Variants in ADGRG2 observed in about 807,000 individuals in gnomAD.
ADGRG2 encodes adhesion G protein-coupled receptor G2, also known as G protein-coupled receptor 64.
In ADGRG2, 26 loss-of-function variants were observed where a neutral mutation model predicts 74.1. The ratio of observed to expected loss-of-function variants is 0.35; its 90% confidence interval spans 0.26 to 0.49. The LOEUF (loss-of-function observed/expected upper bound fraction) is 0.49, where lower values mean the gene tolerates loss of function less well. Among genes scored for constraint, ADGRG2 ranks in the 20% least tolerant of loss-of-function variants. ADGRG2 has a pLI of 0.99. For missense variants in ADGRG2, 619 were observed against 763.1 expected, an observed-to-expected ratio of 0.81 and a Z score of 2.22; for synonymous variants, 296 against 295.2, an observed-to-expected ratio of 1.00 and a Z score of -0.03.
intron 1 of ADGRG2, among the ~76,000 whole-genome samples, chrX:19,121,732 G>A (rs1208048622): frequency 1.8e-5 from 2 of 110,305 alleles, no homozygotes; most frequent in Non-Finnish European, 3.8e-5. Flanking sequence ...AGTACAGACT[G>A]TCACTGTCGA....
At chrX:19,043,414 C>G (rs928852634) in intron 3 of ADGRG2, among the ~76,000 whole-genome samples, 7 of 111,653 alleles carry the variant, frequency 6.3e-5, no homozygotes, top group African/African-American at 2.3e-4. Context: ...CTCCATGCCA[C>G]TCTTAGGAGA....
At chrX:19,094,589 C>T (rs1260117235) in intron 1 of ADGRG2, among the ~76,000 whole-genome samples, 1 of 112,316 alleles carries the variant, frequency 8.9e-6, no homozygotes, top group Non-Finnish European at 1.9e-5. Flanking sequence ...AACTGGAAGT[C>T]AGTGCCATTC....
At chrX:19,023,080 G>C (rs1479515103) in intron 13 of ADGRG2, among the ~76,000 whole-genome samples, 1 of 109,920 alleles carries the variant, frequency 9.1e-6, no homozygotes, top group East Asian at 2.8e-4. Flanking sequence ...CCCTCTTTTT[G>C]TTCTGGCCTT....
At chrX:19,089,410 C>A (rs979455267) in intron 1 of ADGRG2, among the ~76,000 whole-genome samples, 1 of 111,261 alleles carries the variant, frequency 9.0e-6, no homozygotes, top group Non-Finnish European at 1.9e-5. Flanking sequence ...ATATAACAAA[C>A]CTGCACATGT....
At chrX:19,087,350 G>C (rs1194909317) in intron 1 of ADGRG2, among the ~76,000 whole-genome samples, 1 of 112,873 alleles carries the variant, frequency 8.9e-6, no homozygotes, top group Non-Finnish European at 1.9e-5. Flanking sequence ...TCACGGCCAA[G>C]GGCACCAGCG....
chrX:19,031,292 T>A (rs1042078380), intron 8 of ADGRG2: 5 of 349,547 alleles, frequency 1.4e-5, no homozygotes, highest in African/African-American at 5.3e-5. Context: ...TCCCTAAAAT[T>A]TTTGACCCCT....
chrX:19,063,516 A>G (rs2061518989), intron 3 of ADGRG2, among the ~76,000 whole-genome samples: 1 of 112,335 alleles, frequency 8.9e-6, no homozygotes, highest in African/African-American at 3.2e-5. Flanking sequence ...AACCGAGATG[A>G]AAACTACCCA....
chrX:19,073,172 A>T (rs1382494513), intron 2 of ADGRG2, among the ~76,000 whole-genome samples: 1 of 112,027 alleles, frequency 8.9e-6, no homozygotes, highest in Admixed American at 9.5e-5. Context: ...CTTATAAATG[A>T]CCCAGTCTCA....
intron 2 of ADGRG2, among the ~76,000 whole-genome samples, chrX:19,075,612 C>A (rs1244931349): frequency 1.4e-5 from 1 of 73,273 alleles, no homozygotes; most frequent in African/African-American, 6.0e-5. Flanking sequence ...AGCAAGACTT[C>A]GCCTCAAAAA....
intron 10 of ADGRG2, 36 bp from the exon 11 acceptor site, chrX:19,027,310 A>G (rs2060726039): frequency 1.1e-6 from 1 of 901,721 alleles, no homozygotes; most frequent in Non-Finnish European, 1.6e-6. Flanking sequence ...AATATAACAA[A>G]CATTGTTTTG....
chrX:18,998,551 A>T (rs756526062), intron 26 of ADGRG2, among the ~76,000 whole-genome samples: 6 of 108,988 alleles, frequency 5.5e-5, no homozygotes, highest in Non-Finnish European at 1.1e-4. Context: ...GCCACTAAAT[A>T]AGCTACTTTG....
At position 19,035,931 on chromosome X, in the gene ADGRG2, C is replaced by T. The variant is rs1813951616; in HGVS notation, c.262+11G>A. 2.2e-6 allele frequency: 2 copies of T among 929,956 alleles called. No homozygotes were observed. Among genetic ancestry groups the T allele is most frequent in the Admixed American group, 5.1e-5 (2 of 39,515 alleles). The allele number at this position is 929,956 out of a possible 1,213,427, so 76.6% of individuals were successfully genotyped here. On this transcript the variant is annotated intron_variant, in intron 7 of 28. Transcript: ENST00000379869. ...AAGAAGCTATTACATTTAGAAATCACTTGATATTACCTGTTTCGTTTGAAG... is the reference window on the plus strand; with the variant it reads ...AAGAAGCTATTACATTTAGAAATCATTTGATATTACCTGTTTCGTTTGAAG...
intron 22 of ADGRG2, among the ~76,000 whole-genome samples, chrX:19,005,554 CTTT>C (rs72423142): frequency 4.2e-5 from 4 of 95,629 alleles, no homozygotes; most frequent in African/African-American, 1.2e-4. Flanking sequence ...ATCTCTCTCT[CTTT>C]TTTTTTTTTT....
intron 3 of ADGRG2, among the ~76,000 whole-genome samples, chrX:19,065,551 G>T (rs2061555659): frequency 9.0e-6 from 1 of 111,404 alleles, no homozygotes; most frequent in African/African-American, 3.3e-5. Context: ...TGCCCCTGTT[G>T]TTGGCATTTT....
At chrX:19,026,092 C>T (rs923237382) in intron 11 of ADGRG2, among the ~76,000 whole-genome samples, 6 of 111,767 alleles carry the variant, frequency 5.4e-5, no homozygotes, top group African/African-American at 2.0e-4. Flanking sequence ...ACTTCTTAAC[C>T]ACTACAAACT....
rs774574883 is a variant in ADGRG2, at chrX:19,025,981, T to C, written c.470+1238A>G. Among the ~76,000 whole-genome samples, 5 of 112,073 alleles carry C rather than the reference T, an allele frequency of 4.5e-5. No individual in the cohort carries two copies. In the South Asian group the frequency reaches 1.9e-3, roughly 42 times the overall value. ...TTTTCTGCTTTACATTTCACATATA[T>C]AAATGAATAGTTAGAAAAGCTAGAT... On this transcript the variant is annotated intron_variant, in intron 11 of 28. Transcript: ENST00000379869.
intron 19 of ADGRG2, 81 bp downstream of exon 19, chrX:19,007,899 G>C: frequency 4.7e-6 from 4 of 851,893 alleles, no homozygotes; most frequent in Middle Eastern, 3.4e-4. Flanking sequence ...GCAGCCTTAA[G>C]AATATTCGAG....
intron 15 of ADGRG2, among the ~76,000 whole-genome samples, chrX:19,014,719 G>A (rs1359265751): frequency 9.0e-6 from 1 of 111,257 alleles, no homozygotes; most frequent in Non-Finnish European, 1.9e-5. Flanking sequence ...TGCAACCTCC[G>A]CCTCCTGGGT....
intron 1 of ADGRG2, among the ~76,000 whole-genome samples, chrX:19,116,148 G>A (rs1283873716): frequency 9.2e-6 from 1 of 109,031 alleles, no homozygotes; most frequent in African/African-American, 3.4e-5. Context: ...ACCGAAGGTT[G>A]AGGCTGCAGT....
Sources: allele counts gnomAD v4.1 joint callset (sites outside exome capture counted in the v4.1 genomes callset), GRCh38; gene constraint gnomAD v4.1.1; transcripts MANE v1.5; gene names NCBI Gene and HGNC (gene_info 2026-07-23, HGNC 2026-07-21).